The following DLL1 variants were observed in gnomAD, a reference collection of about 807,000 sequenced individuals.
The protein encoded by DLL1 is delta like canonical Notch ligand 1, also known as delta-like protein 1.
DLL1 carries 9 observed loss-of-function variants against 75.1 expected under a neutral mutation model. That is an observed-to-expected ratio of 0.12 (90% CI 0.07 to 0.21). DLL1 has a LOEUF of 0.21. DLL1 is among the 10% of genes least tolerant of loss of function. The pLI is 1.00. For missense variants in DLL1, 837 were observed against 1,007.6 expected, an observed-to-expected ratio of 0.83 and a Z score of 2.29; for synonymous variants, 477 against 418.3, an observed-to-expected ratio of 1.14 and a Z score of -1.71.
intron 8 of DLL1, 118 bp downstream of exon 8, chr6:170,284,801 G>A (rs1280562870): frequency 3.8e-6 from 4 of 1,049,080 alleles, no homozygotes; most frequent in Non-Finnish European, 4.4e-6. Context: ...AGAATTCCTG[G>A]CGGTCTGGAT....
At position 170,285,712 on chromosome 6, in the gene DLL1, C is replaced by T. The variant is rs757868101; in HGVS notation, c.732-13G>A. On this transcript the variant is annotated splice_polypyrimidine_tract_variant and intron_variant, in intron 5 of 10. Transcript: ENST00000366756. ...GCCCACTCTGCACCTTGGAGAAAAG[C>T]AGAAGACTCAGATGGACGTTGACTG... 1 of 1,614,128 alleles carries T rather than the reference C, an allele frequency of 6.2e-7. No individual in the cohort carries two copies. Among genetic ancestry groups the T allele is most frequent in the South Asian group, 1.1e-5 (1 of 91,084 alleles).
intron 5 of DLL1, 44 bp downstream of exon 5, chr6:170,286,191 TAAC>T (rs765648841): frequency 1.9e-6 from 3 of 1,612,450 alleles, no homozygotes; most frequent in African/African-American, 2.7e-5. Context: ...TGTGAAAAGA[TAAC>T]AAGAAAAGGC....
At position 170,282,793 on chromosome 6, in the gene DLL1, C is replaced by T; in HGVS notation, c.*81G>A. On this transcript the variant is annotated 3_prime_UTR_variant, in exon 11 of 11. Transcript: ENST00000366756. Reference sequence around the variant, plus strand: ...CAGTCCACGAGGCCTCCCTCCTCTTCAGCAGCATTCGTTGGGGCATATATC... The same window carrying T: ...CAGTCCACGAGGCCTCCCTCCTCTTTAGCAGCATTCGTTGGGGCATATATC... The T allele has an allele frequency of 6.2e-7, 1 of 1,609,182 alleles. No individual in the cohort carries two copies. The highest frequency in any genetic ancestry group is 8.5e-7 in the Non-Finnish European group (1 of 1,176,920).
chr6:170,286,882 G>A (rs973988161), intron 4 of DLL1, among the ~76,000 whole-genome samples: 52 of 152,124 alleles, frequency 3.4e-4, no homozygotes, highest in South Asian at 2.1e-4. Flanking sequence ...GCCTATCCCC[G>A]GAGAGATCTA....
Position 170,289,617 on chromosome 6 carries a change from G to A in DLL1, c.246C>T (p.Ala82=), listed in dbSNP as rs1349349854. The A allele has an allele frequency of 1.3e-6, 2 of 1,536,956 alleles. No homozygotes were observed. The highest frequency in any genetic ancestry group is 1.4e-5 in the African/African-American group (1 of 73,142). The change falls in exon 2 of 11, where the codon GCC becomes GCT. Residue 82 remains alanine (A), a synonymous_variant. Transcript: ENST00000366756. ...AGTCGACGCCCAGCACGGGGGTGAC[G>A]GCGCTGCCGTAGGTGCAGGGCGGCT... The part of the protein sequence containing the change: ...SPEPPCTYGS[A]VTPVLGVDSF...
chr6:170,287,117 G>GTTTTTTGT (rs1273837314), intron 4 of DLL1, among the ~76,000 whole-genome samples: 1 of 152,128 alleles, frequency 6.6e-6, no homozygotes, highest in Non-Finnish European at 1.5e-5. Flanking sequence ...TCCACAAGTT[G>GTTTTTTGT]TTTTTTGTTT....
At position 170,284,052 on chromosome 6, in the gene DLL1, T is replaced by C. The variant is rs141144962; in HGVS notation, c.1250-23A>G. The C allele has an allele frequency of 4.5e-6, 7 of 1,548,592 alleles. No homozygotes were observed. In the East Asian group the frequency reaches 1.7e-4, roughly 37 times the overall value. On this transcript the variant is annotated intron_variant, in intron 8 of 10. Coordinates refer to ENST00000366756, the MANE Select transcript of DLL1 (RefSeq NM_005618.4). ...CACCTGGAACACAGGGACATGAACATCACGTGTCTCCTCGTAGGTTTGTTC... is the reference window on the plus strand; with the variant it reads ...CACCTGGAACACAGGGACATGAACACCACGTGTCTCCTCGTAGGTTTGTTC...
Position 170,283,595 on chromosome 6 carries a change from A to G in DLL1, c.1684T>C (p.Cys562Arg). Residue 562 changes from cysteine (C) to arginine (R), a missense_variant, in exon 9 of 11, where the codon TGT becomes CGT. Around this residue, in one of 2 missense-constraint regions of DLL1, gnomAD observed 533 missense variants for 545.7 expected, o/e 0.98. Coordinates refer to ENST00000366756, the MANE Select transcript of DLL1 (RefSeq NM_005618.4). ...CGGACGCAGACCACCACAGCGGCAC[A>G]GCCCAGCAGCAGCATGAGGACAAGG... ...VILVLMLLLG[C>R]AAVVVCVRLR... The G allele has an allele frequency of 6.2e-7, 1 of 1,612,568 alleles. No individual in the cohort carries two copies. The highest frequency in any genetic ancestry group is 8.5e-7 in the Non-Finnish European group (1 of 1,179,724).
Position 170,290,608 on chromosome 6 carries a change from C to A in DLL1, c.-469G>T, listed in dbSNP as rs544449926. On this transcript the variant is annotated 5_prime_UTR_variant, in exon 1 of 11. Transcript: ENST00000366756. This position sits in a 1 kb window ranked among gnomAD's most constrained non-coding sequence, Gnocchi z 4.7. The stretch of plus-strand genomic sequence containing the variant: ...AGAAAGCCGCGGTCTGGAAATCCCA[C>A]GGGCAAGGCGATAATCCGGGGCCAG... The A allele has an allele frequency of 9.4e-5, 23 of 244,698 alleles. No individual in the cohort carries two copies. The highest frequency in any genetic ancestry group is 1.8e-4 in the Admixed American group (3 of 16,616). 15.2% of individuals were successfully genotyped at this position (244,698 alleles called of 1,614,324 possible).
At chr6:170,288,691 T>G in intron 3 of DLL1, 38 bp downstream of exon 3, 1 of 1,613,580 alleles carries the variant, frequency 6.2e-7, no homozygotes, top group African/African-American at 1.3e-5. Context: ...TGCTATTAAC[T>G]GGGGAAAGCA....
Position 170,283,753 on chromosome 6 carries a change from C to CGGGCGG in DLL1, c.1525_1526insCCGCCC (p.Ala508_Arg509insProAla). ...CTGGCAGTTGGGACCCCCGTAGCCTCGGGCACACTCGCACACATAGCGGTG... is the reference window on the plus strand; with the variant it reads ...CTGGCAGTTGGGACCCCCGTAGCCTCGGGCGGGGGCACACTCGCACACATAGCGGTG... On this transcript the variant is annotated inframe_insertion, in exon 9 of 11. Transcript: ENST00000366756. 6.4e-7 allele frequency: 1 copy of CGGGCGG among 1,572,040 alleles called. No individual in the cohort carries two copies. The highest frequency in any genetic ancestry group is 8.6e-7 in the Non-Finnish European group (1 of 1,159,694).
Position 170,285,212 on chromosome 6 carries a change from A to T in DLL1, c.1032+42T>A, listed in dbSNP as rs377725032. The stretch of plus-strand genomic sequence containing the variant: ...CACACACTCCATTCAACACCAGGGC[A>T]CCCCAGCTTCCGGGTGAGATGCCAT... On this transcript the variant is annotated intron_variant, in intron 7 of 10. Coordinates refer to ENST00000366756, the MANE Select transcript of DLL1 (RefSeq NM_005618.4). The T allele has an allele frequency of 3.5e-4, 572 of 1,614,006 alleles. 3 individuals are homozygous for T. The African/African-American group carries it at 6.8e-3, about 19-fold the overall frequency.
chr6:170,290,635 G>C lies in DLL1; in HGVS notation c.-496C>G, dbSNP rs577735791. The C allele has an allele frequency of 7.6e-6, 2 of 263,256 alleles. No individual in the cohort carries two copies. Among genetic ancestry groups the C allele is most frequent in the South Asian group, 5.8e-5 (1 of 17,130 alleles). 16.3% of individuals were successfully genotyped at this position (263,256 alleles called of 1,614,324 possible). ...GGCAAGGCGATAATCCGGGGCCAGC[G>C]GCGCGCGCTGAGGGGACGGTCGGCG... On this transcript the variant is annotated 5_prime_UTR_variant, in exon 1 of 11. Transcript: ENST00000366756. The surrounding 1 kb of genome is among the most constrained non-coding windows in gnomAD (Gnocchi z 4.7).
intron 4 of DLL1, among the ~76,000 whole-genome samples, chr6:170,287,418 G>C (rs1783727228): frequency 6.6e-6 from 1 of 152,212 alleles, no homozygotes; most frequent in African/African-American, 2.4e-5. Context: ...CGGTACCAAT[G>C]GGCTGGGACG....
rs1447981678 is a variant in DLL1 at position 170,291,064 on chromosome 6, C to T, written c.-925G>A. On this transcript the variant is annotated 5_prime_UTR_variant, in exon 1 of 11. Transcript: ENST00000366756. ...TTTCCAAACCCTCCTCTCAATGGATCGCCAAATGGTCAGTGAGCTGTAAAA... is the reference window on the plus strand; with the variant it reads ...TTTCCAAACCCTCCTCTCAATGGATTGCCAAATGGTCAGTGAGCTGTAAAA... 1.4e-6 allele frequency: 1 copy of T among 701,840 alleles called. No homozygotes were observed. The highest frequency in any genetic ancestry group is 2.0e-5 in the Admixed American group (1 of 49,984). The allele number at this position is 701,840 out of a possible 1,614,324, so 43.5% of individuals were successfully genotyped here. A position where few individuals can be genotyped will look rare whatever the true frequency, so the allele number is the denominator to read the frequency against.
rs570953312 is a variant in DLL1, at chr6:170,282,492, G to A, written c.*382C>T. Reference sequence around the variant, plus strand: ...TTCCATCTAGAAAAAGCACATCTTCGTATCAAAAAGGACAATAAAGGCAGT... The same window carrying A: ...TTCCATCTAGAAAAAGCACATCTTCATATCAAAAAGGACAATAAAGGCAGT... On this transcript the variant is annotated 3_prime_UTR_variant, in exon 11 of 11. Transcript: ENST00000366756. The A allele has an allele frequency of 1.4e-4, 43 of 310,596 alleles. No individual in the cohort carries two copies. The South Asian group carries it at 1.9e-3, about 14-fold the overall frequency. 19.2% of individuals were successfully genotyped at this position (310,596 alleles called of 1,614,324 possible). A position where few individuals can be genotyped will look rare whatever the true frequency, so the allele number is the denominator to read the frequency against.
chr6:170,286,358 C>A, intron 4 of DLL1, 60 bp from the exon 5 acceptor site: 1 of 1,601,370 alleles, frequency 6.2e-7, no homozygotes, highest in Non-Finnish European at 8.6e-7. Flanking sequence ...ACAGGGCTGC[C>A]GCCCTTGGGG....
intron 7 of DLL1, 31 bp downstream of exon 7, chr6:170,285,223 C>T (rs764575699): frequency 3.6e-5 from 58 of 1,613,990 alleles, no homozygotes; most frequent in East Asian, 6.7e-5. Context: ...CCCCAGCTTC[C>T]GGGTGAGATG....
Position 170,290,901 on chromosome 6 carries a change from G to T in DLL1, c.-762C>A. 1 of 694,126 alleles carries T rather than the reference G, an allele frequency of 1.4e-6. No individual in the cohort carries two copies. The highest frequency in any genetic ancestry group is 1.5e-5 in the South Asian group (1 of 67,048). The allele number at this position is 694,126 out of a possible 1,614,324, so 43.0% of individuals were successfully genotyped here. On this transcript the variant is annotated 5_prime_UTR_variant, in exon 1 of 11. Coordinates refer to ENST00000366756, the MANE Select transcript of DLL1 (RefSeq NM_005618.4). This position sits in a 1 kb window ranked among gnomAD's most constrained non-coding sequence, Gnocchi z 4.7. ...CTGCGCTCTGCCCTCGGCCGGGTCG[G>T]GTCTCCGCGGGTGCGCGCAGAGGAT...
Sources: allele counts gnomAD v4.1 joint callset (sites outside exome capture counted in the v4.1 genomes callset), GRCh38; gene constraint gnomAD v4.1.1; regional missense constraint gnomAD v4.1.1; non-coding constraint Gnocchi (gnomAD v3.1); transcripts MANE v1.5; gene names NCBI Gene and HGNC (gene_info 2026-07-23, HGNC 2026-07-21).